Variants in LRRTM4 observed in about 807,000 individuals in gnomAD.
The protein encoded by LRRTM4 is leucine rich repeat transmembrane neuronal 4.
In LRRTM4, 25 loss-of-function variants were observed where a neutral mutation model predicts 47.6. The observed-to-expected ratio is 0.53, with a 90% CI of 0.38 to 0.73. The LOEUF (loss-of-function observed/expected upper bound fraction) is 0.73. LRRTM4 is among the 30% of genes least tolerant of loss of function. The pLI is 0.00. For synonymous variants in LRRTM4, 311 were observed against 269.5 expected (o/e 1.15, Z -1.51); for missense variants, 638 against 713.4 (o/e 0.89, Z 1.20).
intron 3 of LRRTM4, among the ~76,000 whole-genome samples, chr2:77,314,843 A>G (rs1677571550): frequency 6.6e-6 from 1 of 152,178 alleles, no homozygotes; most frequent in South Asian, 2.1e-4. Context: ...TATGCTCTAC[A>G]ATACTCTCTA....
chr2:76,780,304 G>T (rs1472493633), intron 3 of LRRTM4, among the ~76,000 whole-genome samples: 1 of 152,104 alleles, frequency 6.6e-6, no homozygotes, highest in Non-Finnish European at 1.5e-5. Context: ...CTGAACATTG[G>T]CTTGCCTTGC....
intron 3 of LRRTM4, among the ~76,000 whole-genome samples, chr2:77,278,198 C>T (rs1034151883): frequency 6.6e-6 from 1 of 151,984 alleles, no homozygotes; most frequent in Non-Finnish European, 1.5e-5. Flanking sequence ...TCAACAATGT[C>T]ACCATGGGCA....
chr2:77,457,100 AT>A (rs1379676318), intron 3 of LRRTM4, among the ~76,000 whole-genome samples: 25 of 115,930 alleles, frequency 2.2e-4, no homozygotes, highest in East Asian at 5.4e-4. Context: ...TCTCTTGGTG[AT>A]TTTTTTTTTC....
chr2:76,891,934 T>C (rs1673268768), intron 3 of LRRTM4, among the ~76,000 whole-genome samples: 1 of 151,658 alleles, frequency 6.6e-6, no homozygotes, highest in East Asian at 1.9e-4. Flanking sequence ...TTGCTGTATA[T>C]GTCACAGATG....
At chr2:76,860,012 C>G (rs926053254) in intron 3 of LRRTM4, among the ~76,000 whole-genome samples, 2 of 152,160 alleles carry the variant, frequency 1.3e-5, no homozygotes, top group Non-Finnish European at 2.9e-5. Flanking sequence ...TGGGATATCA[C>G]TTACCATCCA....
chr2:76,836,510 TCCCCCA>T (rs1189497159), intron 3 of LRRTM4, among the ~76,000 whole-genome samples: 1 of 151,848 alleles, frequency 6.6e-6, no homozygotes, highest in East Asian at 1.9e-4. Context: ...CTCTTGTCCT[TCCCCCA>T]CCCCTCGCCA....
At chr2:76,924,696 A>G (rs1332973795) in intron 3 of LRRTM4, among the ~76,000 whole-genome samples, 1 of 152,050 alleles carries the variant, frequency 6.6e-6, no homozygotes, top group African/African-American at 2.4e-5. Context: ...CATCTGTGAG[A>G]AACACTAGCT....
intron 3 of LRRTM4, among the ~76,000 whole-genome samples, chr2:76,970,917 A>AGGC (rs1676195253): frequency 6.6e-6 from 1 of 152,014 alleles, no homozygotes; most frequent in African/African-American, 2.4e-5. Flanking sequence ...AAATATAATG[A>AGGC]GGCCTACTTG....
chr2:76,768,785 T>C lies in LRRTM4; in HGVS notation c.1552-19869A>G, dbSNP rs557449141. ...GAACAAAGATATTCTCACTAGGCAT[T>C]GCGGAGACTTCACTGAAATTAGGAT... On this transcript the variant is annotated intron_variant, in intron 3 of 3. Transcript: ENST00000409884. Among the ~76,000 whole-genome samples the C allele has an allele frequency of 4.4e-4, 67 of 152,276 alleles. 1 individual carries two copies. The highest frequency in any genetic ancestry group is 1.5e-3 in the African/African-American group (64 of 41,580).
intron 3 of LRRTM4, among the ~76,000 whole-genome samples, chr2:77,192,643 A>T (rs1673702976): frequency 6.6e-6 from 1 of 152,032 alleles, no homozygotes; most frequent in Non-Finnish European, 1.5e-5. Context: ...TTCCAAATTA[A>T]TTTAATTTTC....
chr2:77,397,407 G>A (rs1323662973), intron 3 of LRRTM4, among the ~76,000 whole-genome samples: 1 of 151,872 alleles, frequency 6.6e-6, no homozygotes, highest in African/African-American at 2.4e-5. Flanking sequence ...ATAGCTATCA[G>A]CAGATAGTGA....
intron 3 of LRRTM4, among the ~76,000 whole-genome samples, chr2:77,372,945 T>C (rs1012936174): frequency 1.1e-4 from 14 of 131,366 alleles, no homozygotes; most frequent in Admixed American, 2.2e-4. Flanking sequence ...TAATGACTTC[T>C]GAATAAAAAA....
chr2:76,783,245 A>G (rs1025362252), intron 3 of LRRTM4, among the ~76,000 whole-genome samples: 1 of 152,200 alleles, frequency 6.6e-6, no homozygotes, highest in Non-Finnish European at 1.5e-5. Flanking sequence ...TGTTTTCATC[A>G]GGTTACGTTG....
At chr2:77,508,165 A>G (rs906011968) in intron 3 of LRRTM4, among the ~76,000 whole-genome samples, 1 of 152,166 alleles carries the variant, frequency 6.6e-6, no homozygotes, top group African/African-American at 2.4e-5. Context: ...ACTATGAAAA[A>G]TGTATACTGT....
chr2:76,966,315 A>C (rs940114113), intron 3 of LRRTM4, among the ~76,000 whole-genome samples: 1 of 151,394 alleles, frequency 6.6e-6, no homozygotes, highest in Admixed American at 6.6e-5. Flanking sequence ...AAGGAGGAGC[A>C]GGGAGCAAAG....
intron 3 of LRRTM4, among the ~76,000 whole-genome samples, chr2:76,765,284 C>T (rs781417656): frequency 3.9e-5 from 6 of 152,184 alleles, no homozygotes; most frequent in Non-Finnish European, 5.9e-5. Context: ...ATGAACTATA[C>T]ACTTCCATTC....
Position 77,283,049 on chromosome 2 carries a change from G to A in LRRTM4, c.1551+235269C>T, listed in dbSNP as rs184100960. Among the ~76,000 whole-genome samples, 99 of 152,012 alleles carry A rather than the reference G, an allele frequency of 6.5e-4. 1 individual carries two copies. Among genetic ancestry groups the A allele is most frequent in the Admixed American group, 6.4e-3 (97 of 15,210 alleles). On this transcript the variant is annotated intron_variant, in intron 3 of 3. Transcript: ENST00000409884. ...CAACAGAGTAAACAGACAACCTACA[G>A]AATGGTAGAAAATATTCACAAACTA...
At chr2:76,987,948 A>G (rs1404473421) in intron 3 of LRRTM4, among the ~76,000 whole-genome samples, 1 of 151,954 alleles carries the variant, frequency 6.6e-6, no homozygotes, top group Non-Finnish European at 1.5e-5. Context: ...TATATTTATT[A>G]TATGAATAAA....
At chr2:76,917,640 A>T (rs1306678918) in intron 3 of LRRTM4, among the ~76,000 whole-genome samples, 1 of 152,198 alleles carries the variant, frequency 6.6e-6, no homozygotes, top group Non-Finnish European at 1.5e-5. Flanking sequence ...CATACTGCAC[A>T]CATGAAGGAG....
Sources: allele counts gnomAD v4.1 joint callset (sites outside exome capture counted in the v4.1 genomes callset), GRCh38; gene constraint gnomAD v4.1.1; transcripts MANE v1.5; gene names NCBI Gene and HGNC (gene_info 2026-07-23, HGNC 2026-07-21).